TRPM7: variants seen among roughly 807,000 people sequenced by gnomAD.
The protein encoded by TRPM7 is transient receptor potential cation channel subfamily M member 7.
In TRPM7, 134 loss-of-function variants were observed where a neutral mutation model predicts 229.7. The ratio of observed to expected loss-of-function variants is 0.58; its 90% CI spans 0.51 to 0.67. The LOEUF is 0.67. TRPM7 is among the 30% of genes least tolerant of loss of function. The probability of loss-of-function intolerance (pLI) is 0.00; values close to 1 mark genes in which losing one functional copy is unlikely to be tolerated. For missense variants in TRPM7, 1,901 were observed against 2,210.0 expected, an observed-to-expected ratio of 0.86 and a Z score of 2.80; for synonymous variants, 699 against 715.2, an observed-to-expected ratio of 0.98 and a Z score of 0.36.
chr15:50,576,662 A>T (rs77670667), intron 31 of TRPM7, among the ~76,000 whole-genome samples: 3,233 of 152,296 alleles, frequency 0.021, 109 homozygotes, highest in African/African-American at 0.073. Flanking sequence ...CCCAGATGTC[A>T]CTCCAAAATA....
Position 50,598,872 on chromosome 15 carries a change from TTAA to T in TRPM7, c.3163+247_3163+249del, listed in dbSNP as rs532787989. On this transcript the variant is annotated intron_variant, in intron 22 of 38. Coordinates refer to ENST00000646667, the MANE Select transcript of TRPM7 (RefSeq NM_017672.6). ...ACCTAGCTCAATATTGTTATGTGAG[TTAA>T]TAAATGCCCTTATTGTGTCCTAGGA... 2.0e-5 allele frequency among the ~76,000 whole-genome samples: 3 copies of T among 152,304 alleles called. No individual in the cohort carries two copies. The South Asian group carries it at 6.2e-4, about 32-fold the overall frequency.
chr15:50,559,910 G>C lies in TRPM7; in HGVS notation c.*1768C>G, dbSNP rs781661386. ...TGCCTGTAGTCCCAGCTACTCGGGA[G>C]GCTGAGGCAGGAGAATCACTTAAAC... On this transcript the variant is annotated 3_prime_UTR_variant, in exon 39 of 39. Coordinates refer to ENST00000646667, the MANE Select transcript of TRPM7 (RefSeq NM_017672.6). 6.6e-6 allele frequency: 1 copy of C among 151,550 alleles called. No homozygotes were observed. Among genetic ancestry groups the C allele is most frequent in the Non-Finnish European group, 1.5e-5 (1 of 67,936 alleles). 9.4% of individuals were successfully genotyped at this position (151,550 alleles called of 1,614,324 possible).
chr15:50,646,630 A>G (rs893269197), intron 4 of TRPM7, among the ~76,000 whole-genome samples: 2 of 152,216 alleles, frequency 1.3e-5, no homozygotes, highest in African/African-American at 2.4e-5. Flanking sequence ...AGGGGTTTAA[A>G]ACAGAAAATT....
chr15:50,634,522 T>C lies in TRPM7; in HGVS notation c.867A>G (p.Ile289Met). The change falls in exon 8 of 39, where the codon ATA becomes ATG. Residue 289 changes from isoleucine to methionine, a missense_variant. By Grantham distance (10) the Ile-to-Met change is conservative. Coordinates refer to ENST00000646667, the MANE Select transcript of TRPM7 (RefSeq NM_017672.6). ...GGATAACATTTGGCCCACCCTCAAA[T>C]ATAAGTGCCACCACAGGGACACCCT... ...IGQGVPVVAL[I>M]FEGGPNVILT... The C allele has an allele frequency of 6.5e-7, 1 of 1,529,322 alleles. No individual in the cohort carries two copies. The highest frequency in any genetic ancestry group is 8.7e-7 in the Non-Finnish European group (1 of 1,143,084). The allele number at this position is 1,529,322 out of a possible 1,614,324, so 94.7% of individuals were successfully genotyped here. A position where few individuals can be genotyped will look rare whatever the true frequency, so the allele number is the denominator to read the frequency against.
chr15:50,660,191 T>C (rs924494998), intron 2 of TRPM7, among the ~76,000 whole-genome samples: 18 of 152,248 alleles, frequency 1.2e-4, no homozygotes, highest in South Asian at 6.2e-4. Flanking sequence ...GAATAAATCA[T>C]AGACTCTAAT....
chr15:50,672,055 G>GGTTTTT (rs200619026), intron 1 of TRPM7, among the ~76,000 whole-genome samples: 2 of 151,874 alleles, frequency 1.3e-5, no homozygotes, highest in Non-Finnish European at 2.9e-5. Flanking sequence ...TTGTTTGGTT[G>GGTTTTT]GTTTTTGTTT....
In TRPM7 at chr15:50,631,407, A is replaced by T; in HGVS notation, c.1204+10T>A. The T allele has an allele frequency of 6.3e-7, 1 of 1,587,510 alleles. No individual in the cohort carries two copies. On this transcript the variant is annotated intron_variant, in intron 10 of 38. Transcript: ENST00000646667. ...AGGTCTTACAAATAAAAAAGTTCTT[A>T]GAGGCTTACCTTTTAGCAGTGCAGT...
intron 27 of TRPM7, among the ~76,000 whole-genome samples, chr15:50,589,353 T>C (rs976468853): frequency 3.3e-5 from 5 of 151,120 alleles, no homozygotes; most frequent in Non-Finnish European, 7.4e-5. Context: ...AGAGAAATGT[T>C]AAATAGCTGA....
intron 24 of TRPM7, 89 bp downstream of exon 24, chr15:50,594,340 T>A: frequency 8.1e-7 from 1 of 1,229,348 alleles, no homozygotes. Context: ...ATCCACTAAG[T>A]CATTTTTGAA....
In TRPM7 at chr15:50,686,699, C is replaced by G. The variant is rs2062367362; in HGVS notation, c.-166G>C. 4 of 876,648 alleles carry G rather than the reference C, an allele frequency of 4.6e-6. No individual in the cohort carries two copies. Among genetic ancestry groups the G allele is most frequent in the Admixed American group, 6.5e-5 (2 of 30,926 alleles). 54.3% of individuals were successfully genotyped at this position (876,648 alleles called of 1,614,324 possible). ...ACTAACTCAGCTCCGGCGCTAGCAG[C>G]AGAAGCCGAGTCTTTCATAATTGTG... On this transcript the variant is annotated 5_prime_UTR_variant, in exon 1 of 39. Transcript: ENST00000646667.
chr15:50,680,439 G>A (rs1050411553), intron 1 of TRPM7, among the ~76,000 whole-genome samples: 2 of 151,476 alleles, frequency 1.3e-5, no homozygotes, highest in East Asian at 1.9e-4. Context: ...ATGTGGTGGC[G>A]CAACCTGTAA....
At chr15:50,616,798 A>T (rs1296364699) in intron 13 of TRPM7, among the ~76,000 whole-genome samples, 2 of 152,108 alleles carry the variant, frequency 1.3e-5, no homozygotes, top group East Asian at 3.9e-4. Flanking sequence ...CTTCTGCCTC[A>T]GCCTCCTAAG....
chr15:50,568,961 C>T (rs2053743641), intron 38 of TRPM7, among the ~76,000 whole-genome samples: 1 of 152,118 alleles, frequency 6.6e-6, no homozygotes, highest in South Asian at 2.1e-4. Flanking sequence ...CCAGCCTGAG[C>T]AACAGAGTGA....
chr15:50,606,369 A>T (rs1483630068), intron 20 of TRPM7, among the ~76,000 whole-genome samples: 1 of 151,550 alleles, frequency 6.6e-6, no homozygotes, highest in Admixed American at 6.5e-5. Flanking sequence ...ACAGAGGGAG[A>T]CTACGTCTCA....
At chr15:50,600,368 C>A (rs1316228710) in intron 21 of TRPM7, among the ~76,000 whole-genome samples, 1 of 150,112 alleles carries the variant, frequency 6.7e-6, no homozygotes, top group Non-Finnish European at 1.5e-5. Flanking sequence ...ACCCAGGAGG[C>A]GGAGGCTGCA....
At chr15:50,565,844 G>A (rs1038635690) in intron 38 of TRPM7, among the ~76,000 whole-genome samples, 1 of 147,694 alleles carries the variant, frequency 6.8e-6, no homozygotes, top group South Asian at 2.1e-4. Context: ...TTTTTTTTGA[G>A]ACGGAGTCTT....
At chr15:50,678,090 A>G (rs2062137010) in intron 1 of TRPM7, among the ~76,000 whole-genome samples, 1 of 151,356 alleles carries the variant, frequency 6.6e-6, no homozygotes, top group Non-Finnish European at 1.5e-5. Context: ...AAATACAAAA[A>G]ATCAGCCGGG....
In TRPM7 at chr15:50,559,691, C is replaced by T. The variant is rs1007174435; in HGVS notation, c.*1987G>A. 3 of 152,154 alleles carry T rather than the reference C, an allele frequency of 2.0e-5. No individual in the cohort carries two copies. The highest frequency in any genetic ancestry group is 7.2e-5 in the African/African-American group (3 of 41,512). The allele number at this position is 152,154 out of a possible 1,614,324, so 9.4% of individuals were successfully genotyped here. ...GATAATAACACCTATTTCTTTATAACATTGTTATAAGGATTAAGTAGGTTA... is the reference window on the plus strand; with the variant it reads ...GATAATAACACCTATTTCTTTATAATATTGTTATAAGGATTAAGTAGGTTA... On this transcript the variant is annotated 3_prime_UTR_variant, in exon 39 of 39. Transcript: ENST00000646667.
intron 2 of TRPM7, among the ~76,000 whole-genome samples, chr15:50,659,675 C>CT (rs11388770): frequency 0.35 from 51,687 of 148,888 alleles, 9,973 homozygotes; most frequent in Admixed American, 0.48. Context: ...TCTATTTTTT[C>CT]TTTTTTTTTT....
Sources: allele counts gnomAD v4.1 joint callset (sites outside exome capture counted in the v4.1 genomes callset), GRCh38; gene constraint gnomAD v4.1.1; transcripts MANE v1.5; gene names NCBI Gene and HGNC (gene_info 2026-07-23, HGNC 2026-07-21).